Variants in ZPBP observed in about 807,000 individuals in gnomAD.
ZPBP encodes the protein zona pellucida binding protein.
Under a neutral mutation model 44.8 loss-of-function variants are expected in ZPBP, and 26 were observed. The observed-to-expected ratio is 0.58, with a 90% confidence interval of 0.43 to 0.81. The LOEUF is 0.81. Among genes scored for constraint, ZPBP ranks in the 30% least tolerant of loss-of-function variants. The pLI, the probability that ZPBP is intolerant of heterozygous loss-of-function variation, is 0.00. For synonymous variants in ZPBP, 174 were observed against 153.2 expected, an observed-to-expected ratio of 1.14 and a Z score of -1.00; for missense variants, 409 against 434.0, an observed-to-expected ratio of 0.94 and a Z score of 0.51.
chr7:49,887,093 T>C (rs1040185966), intron 2 of ZPBP, among the ~76,000 whole-genome samples: 2 of 152,238 alleles, frequency 1.3e-5, no homozygotes, highest in African/African-American at 4.8e-5. Flanking sequence ...ATTAAACTAC[T>C]TGAATTATAA....
chr7:50,014,406 GA>G (rs148013687), intron 6 of ZPBP, among the ~76,000 whole-genome samples: 8,375 of 150,860 alleles, frequency 0.056, 274 homozygotes, highest in African/African-American at 0.093. Flanking sequence ...AGAGTGGAAC[GA>G]AAATGGTACA....
chr7:49,899,357 A>G (rs1427052252), intron 2 of ZPBP, among the ~76,000 whole-genome samples: 3 of 151,980 alleles, frequency 2.0e-5, no homozygotes, highest in African/African-American at 4.8e-5. Context: ...GGAGTTTTTT[A>G]TTTCTGGAAT....
chr7:50,063,792 CTAT>C (rs1305807794), intron 3 of ZPBP, among the ~76,000 whole-genome samples: 1 of 152,296 alleles, frequency 6.6e-6, no homozygotes, highest in East Asian at 1.9e-4. Context: ...TAAAGCTAAT[CTAT>C]TTTGATATAC....
intron 4 of ZPBP, among the ~76,000 whole-genome samples, chr7:50,054,110 C>T (rs940613500): frequency 5.3e-5 from 8 of 152,032 alleles, no homozygotes; most frequent in Non-Finnish European, 1.0e-4. Flanking sequence ...AGGCTGGCGT[C>T]GAACTCCTGG....
intron 5 of ZPBP, among the ~76,000 whole-genome samples, chr7:50,024,367 T>C (rs1208677766): frequency 1.3e-5 from 2 of 152,042 alleles, no homozygotes; most frequent in African/African-American, 2.4e-5. Context: ...CCATGTTCAC[T>C]GCAGCATTAT....
intron 2 of ZPBP, among the ~76,000 whole-genome samples, chr7:49,897,174 C>T (rs1391044603): frequency 1.3e-5 from 2 of 152,046 alleles, no homozygotes; most frequent in Non-Finnish European, 2.9e-5. Context: ...GGATTACAGG[C>T]GTGAGCCACC....
At chr7:49,867,235 A>G (rs1437322644) in intron 2 of ZPBP, among the ~76,000 whole-genome samples, 2 of 152,358 alleles carry the variant, frequency 1.3e-5, no homozygotes, top group African/African-American at 2.4e-5. Context: ...TAACAATGCC[A>G]TAGGAATATG....
chr7:50,054,054 A>G (rs1195872610), intron 4 of ZPBP, among the ~76,000 whole-genome samples: 1 of 152,016 alleles, frequency 6.6e-6, no homozygotes, highest in Non-Finnish European at 1.5e-5. Flanking sequence ...ACGCCTGGCT[A>G]ATTTTTTTGT....
chr7:50,059,929 C>G (rs116704180), intron 3 of ZPBP, among the ~76,000 whole-genome samples: 2,609 of 152,010 alleles, frequency 0.017, 68 homozygotes, highest in African/African-American at 0.059. Context: ...AGAGATAAGA[C>G]CATCAAGAAG....
intron 1 of ZPBP, chr7:49,920,844 C>A (rs924149161): frequency 4.6e-5 from 7 of 151,946 alleles, no homozygotes; most frequent in African/African-American, 1.7e-4. Context: ...TACAAGGTAC[C>A]TGATGAATGT....
At chr7:50,060,219 A>G (rs1427676880) in intron 3 of ZPBP, among the ~76,000 whole-genome samples, 2 of 152,148 alleles carry the variant, frequency 1.3e-5, no homozygotes, top group Non-Finnish European at 2.9e-5. Flanking sequence ...GGCGGGGACA[A>G]GACTCCACTG....
the ZPBP span, among the ~76,000 whole-genome samples, chr7:49,841,619 C>A: frequency 0.021 from 3,133 of 152,302 alleles, 269 homozygotes; most frequent in Admixed American, 0.15. Context: ...CTCAGACCTT[C>A]CGGGAGGACA....
the ZPBP span, among the ~76,000 whole-genome samples, chr7:49,845,323 A>G: frequency 6.6e-6 from 1 of 152,208 alleles, no homozygotes; most frequent in Non-Finnish European, 1.5e-5. Flanking sequence ...TGATTTAAAT[A>G]TACAATCTCT....
intron 2 of ZPBP, among the ~76,000 whole-genome samples, chr7:49,861,780 C>G (rs1790660700): frequency 6.6e-6 from 1 of 152,180 alleles, no homozygotes; most frequent in Admixed American, 6.5e-5. Flanking sequence ...AGACTTGGCA[C>G]TCTTGTCAAA....
chr7:49,995,075 A>T (rs1391038559), intron 6 of ZPBP, among the ~76,000 whole-genome samples: 1 of 152,242 alleles, frequency 6.6e-6, no homozygotes, highest in African/African-American at 2.4e-5. Context: ...ACTGAGGCAG[A>T]AGGTCCCCAA....
At chr7:49,910,919 T>C (rs1286352029) in intron 1 of ZPBP, among the ~76,000 whole-genome samples, 1 of 152,152 alleles carries the variant, frequency 6.6e-6, no homozygotes, top group Non-Finnish European at 1.5e-5. Flanking sequence ...CTGCAAACAG[T>C]GTTTTCAACA....
chr7:50,063,005 G>C (rs1801323425), intron 3 of ZPBP, among the ~76,000 whole-genome samples: 1 of 150,836 alleles, frequency 6.6e-6, no homozygotes, highest in Non-Finnish European at 1.5e-5. Flanking sequence ...TCAATGCAGG[G>C]GGAAGCATAC....
chr7:50,010,908 C>CAAAAAAAAAAAAA (rs71554292), intron 6 of ZPBP, among the ~76,000 whole-genome samples: 5 of 92,436 alleles, frequency 5.4e-5, no homozygotes, highest in African/African-American at 1.1e-4. Context: ...CAAGACCAAG[C>CAAAAAAAAAAAAA]AAAAAAAAAA....
Position 50,035,100 on chromosome 7 carries a change from T to C in ZPBP, c.488-3790A>G, listed in dbSNP as rs538851246. The stretch of plus-strand genomic sequence containing the variant: ...AATCTGGGAACAGATTTTACTATCA[T>C]CCCACATTTTCTAATCTTTTAGAAG... On this transcript the variant is annotated intron_variant, in intron 4 of 7. Transcript: ENST00000046087. Among the ~76,000 whole-genome samples the C allele has an allele frequency of 5.9e-5, 9 of 152,326 alleles. No homozygotes were observed. In the South Asian group the frequency reaches 1.9e-3, roughly 32 times the overall value.
Sources: gnomAD v4.1 joint callset for allele counts (sites outside exome capture counted in the v4.1 genomes callset) on GRCh38, gnomAD v4.1.1 for gene constraint, MANE v1.5 for transcripts, NCBI Gene and HGNC (gene_info 2026-07-23, HGNC 2026-07-21) for gene names.